The following SBF2 variants were observed in gnomAD, a reference collection of about 807,000 sequenced individuals.
SBF2 encodes SET binding factor 2, also known as myotubularin-related protein 13.
A neutral mutation model predicts 225.2 loss-of-function variants in SBF2; 112 were observed. That is an observed-to-expected ratio of 0.50 (90% CI 0.43 to 0.58). SBF2 has a LOEUF of 0.58. Among genes scored for constraint, SBF2 ranks in the 20% least tolerant of loss-of-function variants. The pLI is 0.00. For synonymous variants in SBF2, 763 were observed against 773.3 expected (o/e 0.99, Z 0.22); for missense variants, 1,996 against 2,206.2 (o/e 0.90, Z 1.91).
intron 16 of SBF2, among the ~76,000 whole-genome samples, chr11:9,924,301 T>A (rs556335031): frequency 6.6e-6 from 1 of 152,232 alleles, no homozygotes; most frequent in African/African-American, 2.4e-5. Flanking sequence ...CACTTTATTA[T>A]AAAATAGGCT....
At chr11:10,006,938 T>C (rs767108777) in intron 6 of SBF2, among the ~76,000 whole-genome samples, 5 of 152,184 alleles carry the variant, frequency 3.3e-5, no homozygotes, top group African/African-American at 4.8e-5. Flanking sequence ...TGAGAGTCAC[T>C]GGAAGGTCAT....
intron 16 of SBF2, among the ~76,000 whole-genome samples, chr11:9,909,641 G>A (rs1361363183): frequency 6.9e-6 from 1 of 144,158 alleles, no homozygotes; most frequent in Non-Finnish European, 1.5e-5. Context: ...CTGCACTCCA[G>A]CCTGGGTGAC....
chr11:9,781,693 G>C lies in SBF2; in HGVS notation c.5320-55C>G, dbSNP rs1010068317. 6 of 1,609,190 alleles carry C rather than the reference G, an allele frequency of 3.7e-6. No individual in the cohort carries two copies. In the Admixed American group the frequency reaches 5.0e-5, roughly 13 times the overall value. ...AAGAGACAGAAAGAGAAAATGCCAT[G>C]GCTTTTCAAACTGCATTTGAATACC... On this transcript the variant is annotated intron_variant, in intron 38 of 39. Transcript: ENST00000256190.
intron 2 of SBF2, among the ~76,000 whole-genome samples, chr11:10,129,872 T>C (rs1041850238): frequency 5.3e-5 from 8 of 152,026 alleles, no homozygotes; most frequent in African/African-American, 1.9e-4. Flanking sequence ...TAATGAGGTA[T>C]GGTGGTGCAT....
At chr11:10,268,164 C>G (rs1591337834) in intron 1 of SBF2, among the ~76,000 whole-genome samples, 1 of 152,142 alleles carries the variant, frequency 6.6e-6, no homozygotes, top group South Asian at 2.1e-4. Context: ...CACTTGATTT[C>G]TCTCTGTAAA....
At chr11:10,124,418 C>T (rs57520536) in intron 2 of SBF2, among the ~76,000 whole-genome samples, 6 of 151,964 alleles carry the variant, frequency 3.9e-5, no homozygotes, top group South Asian at 2.1e-4. Flanking sequence ...CAAAGGTTAC[C>T]GTTTTATAAC....
At chr11:10,004,056 T>A (rs931058807) in intron 6 of SBF2, among the ~76,000 whole-genome samples, 13 of 152,210 alleles carry the variant, frequency 8.5e-5, no homozygotes, top group African/African-American at 2.9e-4. Context: ...TTATCCCATG[T>A]GATACATCAG....
At chr11:10,267,383 C>G (rs567186700) in intron 1 of SBF2, among the ~76,000 whole-genome samples, 2 of 151,650 alleles carry the variant, frequency 1.3e-5, no homozygotes, top group East Asian at 3.9e-4. Flanking sequence ...TATAGTAATC[C>G]GAGTAAGAAC....
intron 24 of SBF2, among the ~76,000 whole-genome samples, chr11:9,844,492 C>T (rs893802160): frequency 2.0e-5 from 3 of 152,048 alleles, no homozygotes; most frequent in South Asian, 2.1e-4. Flanking sequence ...ATTGTTATTT[C>T]GTCATAACTG....
rs549694356 is a variant in SBF2 at position 10,196,658 on chromosome 11, G to A, written c.56-2671C>T. 1.6e-3 allele frequency among the ~76,000 whole-genome samples: 239 copies of A among 151,680 alleles called. 1 individual carries two copies. The highest frequency in any genetic ancestry group is 3.1e-3 in the Admixed American group (47 of 15,218). ...CCTCCCAAAGTGCTAGGATTATAGC[G>A]TAAGCCACCGTACCCAGCCCAATCA... On this transcript the variant is annotated intron_variant, in intron 1 of 39. Coordinates refer to ENST00000256190, the MANE Select transcript of SBF2 (RefSeq NM_030962.4).
chr11:9,856,652 A>G lies in SBF2; in HGVS notation c.2169T>C (p.Leu723=). ...AMDLAAEQLR[L]WPTLSKSTQQ... ...GAGTTGACTTGCTCAGGGTAGGCCA[A>G]AGGCGTAGTTGCTCAGCTGCCAGGT... Residue 723 remains leucine (L), a synonymous_variant, in exon 19 of 40, where the codon CTT becomes CTC. Coordinates refer to ENST00000256190, the MANE Select transcript of SBF2 (RefSeq NM_030962.4). 1 of 1,614,190 alleles carries G rather than the reference A, an allele frequency of 6.2e-7. No homozygotes were observed. Among genetic ancestry groups the G allele is most frequent in the East Asian group, 2.2e-5 (1 of 44,890 alleles).
At chr11:10,218,976 G>A (rs1405344842) in intron 1 of SBF2, among the ~76,000 whole-genome samples, 2 of 152,154 alleles carry the variant, frequency 1.3e-5, no homozygotes, top group Non-Finnish European at 1.5e-5. Context: ...GCTTTTCCAG[G>A]TGCATAGTGC....
intron 36 of SBF2, among the ~76,000 whole-genome samples, chr11:9,785,907 C>T (rs931135478): frequency 3.3e-5 from 5 of 152,062 alleles, no homozygotes; most frequent in Admixed American, 3.3e-4. Flanking sequence ...CACTCTATCG[C>T]CCAGGCTGGA....
intron 1 of SBF2, among the ~76,000 whole-genome samples, chr11:10,286,855 T>C (rs1341337740): frequency 6.6e-6 from 1 of 152,208 alleles, no homozygotes; most frequent in Non-Finnish European, 1.5e-5. Flanking sequence ...AGTTTGTCAG[T>C]CTCACACAAA....
At chr11:10,003,601 T>C (rs569790594) in intron 6 of SBF2, among the ~76,000 whole-genome samples, 1 of 152,208 alleles carries the variant, frequency 6.6e-6, no homozygotes, top group East Asian at 1.9e-4. Context: ...TCTCCTGACT[T>C]GGTGATACAC....
chr11:9,989,443 AAAAT>A (rs1184196405), intron 13 of SBF2, 50 bp downstream of exon 13: 144 of 1,188,140 alleles, frequency 1.2e-4, no homozygotes, highest in Non-Finnish European at 1.4e-4. Context: ...AACTTACGGA[AAAAT>A]AAATAAATAA....
At chr11:10,094,336 T>C (rs1165696506) in intron 2 of SBF2, among the ~76,000 whole-genome samples, 1 of 151,820 alleles carries the variant, frequency 6.6e-6, no homozygotes, top group African/African-American at 2.4e-5. Context: ...AAAATATATG[T>C]ATATATATAT....
intron 2 of SBF2, among the ~76,000 whole-genome samples, chr11:10,175,591 T>C (rs1382815803): frequency 2.0e-5 from 3 of 151,094 alleles, no homozygotes; most frequent in Non-Finnish European, 4.4e-5. Context: ...CTGTCAACAT[T>C]AGACAGATCA....
intron 16 of SBF2, among the ~76,000 whole-genome samples, chr11:9,900,800 A>C (rs1240295764): frequency 2.0e-5 from 3 of 152,188 alleles, no homozygotes; most frequent in African/African-American, 7.2e-5. Context: ...GCAGTGGCAC[A>C]ATCATAGTTT....
Sources: gnomAD v4.1 joint callset for allele counts (sites outside exome capture counted in the v4.1 genomes callset) on GRCh38, gnomAD v4.1.1 for gene constraint, MANE v1.5 for transcripts, NCBI Gene and HGNC (gene_info 2026-07-23, HGNC 2026-07-21) for gene names.